EXOC2: variants seen among roughly 807,000 people sequenced by gnomAD.
EXOC2 encodes SEC5-like 1.
Under a neutral mutation model 131.8 loss-of-function variants are expected in EXOC2, and 70 were observed. The ratio of observed to expected loss-of-function variants is 0.53; its 90% CI spans 0.44 to 0.65. The LOEUF (loss-of-function observed/expected upper bound fraction) is 0.65. Among genes scored for constraint, EXOC2 ranks in the 30% least tolerant of loss-of-function variants. The pLI is 0.00. For synonymous variants in EXOC2, 411 were observed against 398.4 expected (o/e 1.03, Z -0.38); for missense variants, 923 against 1,108.6 (o/e 0.83, Z 2.38).
intron 22 of EXOC2, among the ~76,000 whole-genome samples, chr6:544,169 C>G (rs1351327147): frequency 6.6e-6 from 1 of 152,228 alleles, no homozygotes; most frequent in Non-Finnish European, 1.5e-5. Context: ...CCTGCACTTC[C>G]CAGCTTTCCA....
intron 2 of EXOC2, among the ~76,000 whole-genome samples, chr6:635,279 A>T (rs187063507): frequency 1.3e-5 from 2 of 152,376 alleles, no homozygotes; most frequent in East Asian, 3.9e-4. Context: ...GTATTAAAAC[A>T]TGTTCACATG....
intron 22 of EXOC2, among the ~76,000 whole-genome samples, chr6:537,743 C>T (rs1208659115): frequency 6.6e-6 from 1 of 152,194 alleles, no homozygotes; most frequent in Non-Finnish European, 1.5e-5. Context: ...GTTATCCAAA[C>T]TCAGCAATAA....
intron 16 of EXOC2, among the ~76,000 whole-genome samples, chr6:563,817 A>G (rs1284263036): frequency 1.3e-5 from 2 of 152,214 alleles, no homozygotes; most frequent in Non-Finnish European, 2.9e-5. Flanking sequence ...AACATTTTCA[A>G]GTGTATCCAT....
At chr6:587,739 G>A (rs1319993169) in intron 11 of EXOC2, among the ~76,000 whole-genome samples, 5 of 152,344 alleles carry the variant, frequency 3.3e-5, no homozygotes, top group African/African-American at 1.2e-4. Context: ...TGTGCACTGA[G>A]TATCAGCTCA....
chr6:573,412 G>GCCTCCCA (rs1758397471), intron 12 of EXOC2, among the ~76,000 whole-genome samples: 2 of 151,734 alleles, frequency 1.3e-5, no homozygotes, highest in African/African-American at 4.8e-5. Flanking sequence ...CCTGCCTCCC[G>GCCTCCCA]CCCCGCACTC....
intron 23 of EXOC2, among the ~76,000 whole-genome samples, chr6:500,864 A>G (rs908541412): frequency 6.6e-6 from 1 of 151,850 alleles, no homozygotes; most frequent in African/African-American, 2.4e-5. Flanking sequence ...ATAGAGATCA[A>G]GAACTATAAT....
chr6:687,512 T>C (rs1326585866), intron 1 of EXOC2, among the ~76,000 whole-genome samples: 3 of 152,160 alleles, frequency 2.0e-5, no homozygotes, highest in African/African-American at 7.2e-5. Flanking sequence ...TATCTTTACC[T>C]AGTCCGTCAA....
intron 23 of EXOC2, among the ~76,000 whole-genome samples, chr6:526,762 C>T (rs1561817200): frequency 6.6e-6 from 1 of 152,058 alleles, no homozygotes; most frequent in Non-Finnish European, 1.5e-5. Flanking sequence ...CTAATGGAGG[C>T]TGTTTATTGT....
intron 6 of EXOC2, among the ~76,000 whole-genome samples, chr6:611,461 T>A (rs763771863): frequency 4.6e-5 from 7 of 152,218 alleles, no homozygotes; most frequent in Non-Finnish European, 8.8e-5. Flanking sequence ...GTAGCCACAT[T>A]TTCTGATGCT....
chr6:663,189 A>T (rs140388432), intron 1 of EXOC2, among the ~76,000 whole-genome samples: 1 of 152,350 alleles, frequency 6.6e-6, no homozygotes, highest in Non-Finnish European at 1.5e-5. Context: ...TAAATTAGAA[A>T]CCTAGAAGAG....
At chr6:687,932 T>C (rs892482689) in intron 1 of EXOC2, among the ~76,000 whole-genome samples, 4 of 152,228 alleles carry the variant, frequency 2.6e-5, no homozygotes, top group African/African-American at 7.2e-5. Flanking sequence ...TCTCTAAGCA[T>C]GTATAAAGGC....
chr6:559,415 G>A (rs1045652872), intron 17 of EXOC2, among the ~76,000 whole-genome samples: 6 of 152,206 alleles, frequency 3.9e-5, no homozygotes, highest in East Asian at 1.9e-4. Flanking sequence ...AGGTCCACGC[G>A]GAATAGCTAA....
At chr6:537,461 T>C (rs1194211670) in intron 22 of EXOC2, among the ~76,000 whole-genome samples, 5 of 137,100 alleles carry the variant, frequency 3.6e-5, no homozygotes, top group East Asian at 2.3e-4. Flanking sequence ...CTCGAGTTGA[T>C]GGCCGACGGA....
chr6:674,739 T>C (rs1404449765), intron 1 of EXOC2, among the ~76,000 whole-genome samples: 1 of 148,968 alleles, frequency 6.7e-6, no homozygotes, highest in Non-Finnish European at 1.5e-5. Flanking sequence ...TGTTTGTTTG[T>C]TTGTTGTCAG....
intron 23 of EXOC2, among the ~76,000 whole-genome samples, chr6:508,083 T>A (rs1764661112): frequency 1.3e-5 from 2 of 152,256 alleles, no homozygotes; most frequent in African/African-American, 4.8e-5. Context: ...CACATTCTCT[T>A]CTTGAAACTT....
intron 1 of EXOC2, among the ~76,000 whole-genome samples, chr6:673,252 C>CAAAAA (rs56189394): frequency 4.2e-4 from 27 of 64,260 alleles, no homozygotes; most frequent in African/African-American, 9.1e-4. Context: ...ACTCCATAGC[C>CAAAAA]AAAAAAAAAA....
chr6:538,276 C>T (rs1766586101), intron 22 of EXOC2, among the ~76,000 whole-genome samples: 1 of 152,176 alleles, frequency 6.6e-6, no homozygotes, highest in African/African-American at 2.4e-5. Flanking sequence ...ATAATAAATG[C>T]TAGCAGCTAT....
chr6:677,366 G>A (rs2127790129), intron 1 of EXOC2, among the ~76,000 whole-genome samples: 1 of 152,330 alleles, frequency 6.6e-6, no homozygotes, highest in African/African-American at 2.4e-5. Flanking sequence ...AGCATTTGAG[G>A]TGGTATATGT....
chr6:665,381 CT>C (rs1246371498), intron 1 of EXOC2, among the ~76,000 whole-genome samples: 2 of 152,138 alleles, frequency 1.3e-5, no homozygotes, highest in East Asian at 3.9e-4. Flanking sequence ...GTGGAGATTC[CT>C]TAAAGAACTA....
Sources: gnomAD v4.1 joint callset for allele counts (sites outside exome capture counted in the v4.1 genomes callset) on GRCh38, gnomAD v4.1.1 for gene constraint, MANE v1.5 for transcripts, NCBI Gene and HGNC (gene_info 2026-07-23, HGNC 2026-07-21) for gene names.